Variants in AQP9 observed in about 807,000 individuals in gnomAD.
The protein encoded by AQP9 is aquaporin 9, also known as aquaporin-9.
AQP9 carries 19 observed loss-of-function variants against 23.8 expected under a neutral mutation model. The ratio of observed to expected loss-of-function variants is 0.80; its 90% CI spans 0.56 to 1.17. The LOEUF is 1.17. AQP9 is among the 50% of genes most tolerant of loss of function. The pLI is 0.00. For synonymous variants in AQP9, 153 were observed against 131.5 expected (o/e 1.16, Z -1.12); for missense variants, 413 against 362.0 (o/e 1.14, Z -1.14).
At chr15:58,158,244 T>G (rs1481796018) in intron 1 of AQP9, among the ~76,000 whole-genome samples, 1 of 152,144 alleles carries the variant, frequency 6.6e-6, no homozygotes, top group Admixed American at 6.5e-5. Flanking sequence ...CCCTGAAGAT[T>G]TCCATGGATT....
Position 58,179,221 on chromosome 15 carries a change from G to A in AQP9, c.589G>A (p.Gly197Ser), listed in dbSNP as rs527316680. ...CAGAGGCCTAGAGCCCATTGCCATC[G>A]GCCTCCTGATTATTGTCATTGCTTC... ...APRGLEPIAI[G>S]LLIIVIASSL... The change falls in exon 5 of 6, where the codon GGC becomes AGC. Residue 197 changes from glycine (G) to serine (S), a missense_variant. By Grantham distance (56) the Gly-to-Ser change is moderately conservative. Coordinates refer to ENST00000219919, the MANE Select transcript of AQP9 (RefSeq NM_020980.5). The A allele has an allele frequency of 9.2e-5, 148 of 1,613,950 alleles. No homozygotes were observed. Among genetic ancestry groups the A allele is most frequent in the Non-Finnish European group, 9.4e-5 (111 of 1,179,984 alleles).
chr15:58,159,183 T>A (rs1178463506), intron 1 of AQP9, among the ~76,000 whole-genome samples: 1 of 152,118 alleles, frequency 6.6e-6, no homozygotes, highest in Non-Finnish European at 1.5e-5. Flanking sequence ...GTCACAGGGG[T>A]CATGGCTCAG....
chr15:58,143,228 A>T (rs2140583105), intron 1 of AQP9, among the ~76,000 whole-genome samples: 1 of 152,316 alleles, frequency 6.6e-6, no homozygotes, highest in Admixed American at 6.5e-5. Context: ...GAGGTTCTAA[A>T]TCTGAACATG....
chr15:58,165,066 T>G (rs1345036724), intron 1 of AQP9, among the ~76,000 whole-genome samples: 1 of 152,160 alleles, frequency 6.6e-6, no homozygotes, highest in Non-Finnish European at 1.5e-5. Context: ...TGCCCCTAAA[T>G]AGTATGTATT....
chr15:58,179,487 T>C, intron 5 of AQP9, 142 bp downstream of exon 5: 2 of 676,958 alleles, frequency 3.0e-6, no homozygotes, highest in Non-Finnish European at 4.9e-6. Context: ...CATGAGACAT[T>C]TCACTGGTAT....
Position 58,184,822 on chromosome 15 carries a change from C to T in AQP9, c.*687C>T, listed in dbSNP as rs1336331395. On this transcript the variant is annotated 3_prime_UTR_variant, in exon 6 of 6. Coordinates refer to ENST00000219919, the MANE Select transcript of AQP9 (RefSeq NM_020980.5). ...ATTTATCAGATTAATCTCTTGCTCT[C>T]CTGCATTTTAGAGGACACCAATTAA... 2 of 152,154 alleles carry T rather than the reference C, an allele frequency of 1.3e-5. No homozygotes were observed. Among genetic ancestry groups the T allele is most frequent in the Non-Finnish European group, 2.9e-5 (2 of 68,032 alleles). 9.4% of individuals were successfully genotyped at this position (152,154 alleles called of 1,614,324 possible).
At chr15:58,145,820 G>A (rs1232497319) in intron 1 of AQP9, among the ~76,000 whole-genome samples, 1 of 152,148 alleles carries the variant, frequency 6.6e-6, no homozygotes, top group African/African-American at 2.4e-5. Context: ...TTCAGGAAGG[G>A]TGTGTGACAG....
At chr15:58,174,850 G>A (rs1193134403) in intron 3 of AQP9, 68 bp from the exon 4 acceptor site, 6 of 1,340,182 alleles carry the variant, frequency 4.5e-6, no homozygotes, top group African/African-American at 2.9e-5. Context: ...TTTAGCACAA[G>A]GCTTGGCACA....
intron 2 of AQP9, among the ~76,000 whole-genome samples, chr15:58,168,818 G>C (rs1898561569): frequency 6.6e-6 from 1 of 152,202 alleles, no homozygotes; most frequent in African/African-American, 2.4e-5. Flanking sequence ...AGGCTTAACT[G>C]CTCCCCCTAT....
chr15:58,171,783 A>G lies in AQP9; in HGVS notation c.239-1285A>G, dbSNP rs140853079. On this transcript the variant is annotated intron_variant, in intron 2 of 5. Transcript: ENST00000219919. The stretch of plus-strand genomic sequence containing the variant: ...TTGGAAAAAGCATAGCTTTCTCCAC[A>G]GGGAGTGGTAGAGGCTTCTGGAAAC... Among the ~76,000 whole-genome samples the G allele has an allele frequency of 1.4e-4, 21 of 152,240 alleles. No individual in the cohort carries two copies. The East Asian group carries it at 3.9e-3, about 28-fold the overall frequency.
chr15:58,144,552 A>G (rs1347166439), intron 1 of AQP9, among the ~76,000 whole-genome samples: 2 of 152,104 alleles, frequency 1.3e-5, no homozygotes, highest in African/African-American at 4.8e-5. Context: ...TTGTCTTTCT[A>G]CTTTTATTAC....
intron 5 of AQP9, among the ~76,000 whole-genome samples, chr15:58,180,678 G>T (rs1018374087): frequency 5.9e-5 from 9 of 152,156 alleles, no homozygotes; most frequent in African/African-American, 2.2e-4. Context: ...CCAGAGGTGG[G>T]CAACTGTTCC....
intron 4 of AQP9, among the ~76,000 whole-genome samples, chr15:58,177,005 G>A (rs1439235634): frequency 1.3e-5 from 2 of 152,068 alleles, no homozygotes; most frequent in African/African-American, 4.8e-5. Flanking sequence ...AAGTCAAGTA[G>A]AAAAAGCGAA....
At chr15:58,138,811 AGTTACTAGAGGCT>A in intron 1 of AQP9, 135 bp downstream of exon 1, 1 of 720,734 alleles carries the variant, frequency 1.4e-6, no homozygotes, top group Non-Finnish European at 2.3e-6. Flanking sequence ...GGAAGAAACA[AGTTACTAGAGGCT>A]GTTTGACTAT....
intron 2 of AQP9, among the ~76,000 whole-genome samples, chr15:58,170,622 C>G (rs1031982133): frequency 1.3e-5 from 2 of 152,076 alleles, no homozygotes; most frequent in Non-Finnish European, 2.9e-5. Context: ...CCAGGATTAT[C>G]TTGATTTCTT....
chr15:58,140,150 A>G (rs1339217805), intron 1 of AQP9, among the ~76,000 whole-genome samples: 1 of 152,032 alleles, frequency 6.6e-6, no homozygotes, highest in East Asian at 1.9e-4. Flanking sequence ...ATTCAGTTAC[A>G]ATTCTTAGTG....
At chr15:58,174,676 T>A (rs1475382515) in intron 3 of AQP9, among the ~76,000 whole-genome samples, 1 of 152,248 alleles carries the variant, frequency 6.6e-6, no homozygotes, top group Non-Finnish European at 1.5e-5. Context: ...TATCGAAGAA[T>A]AATTTGTCCA....
chr15:58,180,916 T>A (rs2140635715), intron 5 of AQP9, among the ~76,000 whole-genome samples: 1 of 152,338 alleles, frequency 6.6e-6, no homozygotes, highest in Middle Eastern at 3.4e-3. Flanking sequence ...ATGGATCTCT[T>A]GTATCTTTCC....
In AQP9 at chr15:58,157,738, G is replaced by A. The variant is rs993111914; in HGVS notation, c.112-8935G>A. On this transcript the variant is annotated intron_variant, in intron 1 of 5. Coordinates refer to ENST00000219919, the MANE Select transcript of AQP9 (RefSeq NM_020980.5). ...CTACCTTTCACTCTAGTTTTCTACC[G>A]GTGGGTGCTTGATCATCTAACGGAA... 3.3e-5 allele frequency among the ~76,000 whole-genome samples: 5 copies of A among 152,314 alleles called. No homozygotes were observed. The South Asian group carries it at 6.2e-4, about 19-fold the overall frequency.
Sources: allele counts gnomAD v4.1 joint callset (sites outside exome capture counted in the v4.1 genomes callset), GRCh38; gene constraint gnomAD v4.1.1; transcripts MANE v1.5; gene names NCBI Gene and HGNC (gene_info 2026-07-23, HGNC 2026-07-21).